Variants in TRIM28 observed in about 807,000 individuals in gnomAD.
TRIM28 encodes the protein tripartite motif containing 28.
A neutral mutation model predicts 87.4 loss-of-function variants in TRIM28; 8 were observed. That is an observed-to-expected ratio of 0.09 (90% CI 0.05 to 0.17). The LOEUF (loss-of-function observed/expected upper bound fraction) is 0.17, where lower values mean the gene tolerates loss of function less well. Among genes scored for constraint, TRIM28 ranks in the 10% least tolerant of loss-of-function variants. TRIM28 has a pLI of 1.00. For synonymous variants in TRIM28, 601 were observed against 454.3 expected, an observed-to-expected ratio of 1.32 and a Z score of -4.11; for missense variants, 968 against 1,131.8, an observed-to-expected ratio of 0.86 and a Z score of 2.08.
At chr19:58,548,246 A>T (rs200901448) in intron 7 of TRIM28, 48 bp from the exon 8 acceptor site, 2 of 1,613,444 alleles carry the variant, frequency 1.2e-6, no homozygotes, top group Non-Finnish European at 1.7e-6. Flanking sequence ...TCAAATCCCT[A>T]TTTGTTGTTG....
rs1600079310 is a variant in TRIM28 at position 58,545,038 on chromosome 19, C to T, written c.281C>T (p.Pro94Leu). The change falls in exon 1 of 17, where the codon CCC (proline) becomes CTC (leucine). Residue 94 changes from proline (P) to leucine (L), a missense_variant. Pro to Leu is a moderately conservative substitution (Grantham distance 98, BLOSUM62 -3). Around this residue, in one of 11 missense-constraint regions of TRIM28, gnomAD observed 208 missense variants for 170.9 expected, o/e 1.22. Transcript: ENST00000253024. The part of the protein sequence containing the change: ...LHSACSACLG[P>L]AAPAAANSSG... ...TCGGCCTGTAGTGCCTGCTTAGGGC[C>T]CGCGGCCCCCGCCGCCGCCAACAGC... 1 of 1,465,666 alleles carries T rather than the reference C, an allele frequency of 6.8e-7. No homozygotes were observed. The highest frequency in any genetic ancestry group is 8.9e-7 in the Non-Finnish European group (1 of 1,122,542). The allele number at this position is 1,465,666 out of a possible 1,614,324, so 90.8% of individuals were successfully genotyped here. A position where few individuals can be genotyped will look rare whatever the true frequency, so the allele number is the denominator to read the frequency against.
intron 1 of TRIM28, 117 bp downstream of exon 1, chr19:58,545,214 G>A (rs1246891550): frequency 4.8e-6 from 5 of 1,046,444 alleles, no homozygotes; most frequent in African/African-American, 1.6e-5. Context: ...CAGGGCACGG[G>A]AAATACTTTC....
chr19:58,550,073 C>T, intron 15 of TRIM28, 38 bp downstream of exon 15: 2 of 1,613,746 alleles, frequency 1.2e-6, no homozygotes, highest in Non-Finnish European at 1.7e-6. Flanking sequence ...GGGGTGGTGG[C>T]TGCTGGGTCT....
At chr19:58,547,058 G>A in intron 3 of TRIM28, 2 of 312,228 alleles carry the variant, frequency 6.4e-6, no homozygotes, top group South Asian at 3.9e-5. Context: ...GAACAGTGTG[G>A]GGAAGGGTCA....
chr19:58,546,532 G>A (rs755504300), intron 3 of TRIM28, among the ~76,000 whole-genome samples: 25 of 152,172 alleles, frequency 1.6e-4, no homozygotes, highest in Non-Finnish European at 3.4e-4. Flanking sequence ...CAGCATTGGT[G>A]GAAGATAGCG....
chr19:58,544,751 C>T lies in TRIM28; in HGVS notation c.-7C>T. ...CTCCCCCCCTGGGCGCCCCCGGCGGCGTGTGAATGGCGGCCTCCGCGGCGG... is the reference window on the plus strand; with the variant it reads ...CTCCCCCCCTGGGCGCCCCCGGCGGTGTGTGAATGGCGGCCTCCGCGGCGG... On this transcript the variant is annotated 5_prime_UTR_variant, in exon 1 of 17. Transcript: ENST00000253024. 2 of 1,098,716 alleles carry T rather than the reference C, an allele frequency of 1.8e-6. No homozygotes were observed. Among genetic ancestry groups the T allele is most frequent in the Non-Finnish European group, 2.2e-6 (2 of 904,816 alleles). The allele number at this position is 1,098,716 out of a possible 1,614,324, so 68.1% of individuals were successfully genotyped here.
Position 58,550,406 on chromosome 19 carries a change from C to T in TRIM28, c.2361C>T (p.Gly787=), listed in dbSNP as rs891656128. 3 of 1,614,078 alleles carry T rather than the reference C, an allele frequency of 1.9e-6. No homozygotes were observed. Among genetic ancestry groups the T allele is most frequent in the East Asian group, 2.2e-5 (1 of 44,890 alleles). ...EDKADVQSII[G]LQRFFETRMN... ...AGGCAGACGTGCAGTCCATCATCGG[C>T]CTGCAGCGCTTCTTCGAGACGCGCA... Residue 787 remains glycine (G), a synonymous_variant, in exon 17 of 17, where the codon GGC becomes GGT. Coordinates refer to ENST00000253024, the MANE Select transcript of TRIM28 (RefSeq NM_005762.3).
Position 58,545,021 on chromosome 19 carries a change from T to C in TRIM28, c.264T>C (p.Cys88=). Residue 88 remains cysteine (C), a synonymous_variant, in exon 1 of 17, where the codon TGT becomes TGC. Transcript: ENST00000253024. ...PRLLPCLHSA[C]SACLGPAAPA... is the part of the protein sequence containing the mutation. ...TGCTGCCCTGTTTGCACTCGGCCTGTAGTGCCTGCTTAGGGCCCGCGGCCC... is the reference window on the plus strand; with the variant it reads ...TGCTGCCCTGTTTGCACTCGGCCTGCAGTGCCTGCTTAGGGCCCGCGGCCC... The C allele has an allele frequency of 6.7e-7, 1 of 1,495,258 alleles. No individual in the cohort carries two copies. The highest frequency in any genetic ancestry group is 8.8e-7 in the Non-Finnish European group (1 of 1,134,220). 92.6% of individuals were successfully genotyped at this position (1,495,258 alleles called of 1,614,324 possible).
At position 58,549,848 on chromosome 19, in the gene TRIM28, A is replaced by C; in HGVS notation, c.2094A>C (p.Pro698=). The C allele has an allele frequency of 6.2e-7, 1 of 1,612,438 alleles. No individual in the cohort carries two copies. Among genetic ancestry groups the C allele is most frequent in the Non-Finnish European group, 8.5e-7 (1 of 1,178,586 alleles). ...DSTGVVAKLS[P]ANQRKCERVL... Reference sequence around the variant, plus strand: ...CTGGCGTGGTGGCCAAGCTCTCACCAGCCAACCAGCGGGTGAGGGCTGGGG... The same window carrying C: ...CTGGCGTGGTGGCCAAGCTCTCACCCGCCAACCAGCGGGTGAGGGCTGGGG... The change falls in exon 14 of 17, where the codon CCA becomes CCC. Residue 698 remains proline, a synonymous_variant. Coordinates refer to ENST00000253024, the MANE Select transcript of TRIM28 (RefSeq NM_005762.3). The surrounding 1 kb of genome is among the most constrained non-coding windows in gnomAD (Gnocchi z 4.4).
chr19:58,550,113 T>C (rs1568663284), intron 15 of TRIM28, 34 bp from the exon 16 acceptor site: 1 of 1,613,668 alleles, frequency 6.2e-7, no homozygotes, highest in Non-Finnish European at 8.5e-7. Flanking sequence ...TATATGTGTG[T>C]CTTTGTGTGT....
In TRIM28 at chr19:58,549,691, C is replaced by T. The variant is rs1273155578; in HGVS notation, c.1982+41C>T. On this transcript the variant is annotated intron_variant, in intron 13 of 16. Transcript: ENST00000253024. The surrounding 1 kb of genome is among the most constrained non-coding windows in gnomAD (Gnocchi z 4.4). ...GTGGGGGTCAAGTCTGGGTGTTGGG[C>T]TGTCTGGACAGGATCATGTGCAGAC... 1.9e-6 allele frequency: 3 copies of T among 1,601,134 alleles called. No homozygotes were observed. The highest frequency in any genetic ancestry group is 2.2e-5 in the South Asian group (2 of 89,832).
In TRIM28 at chr19:58,549,240, G is replaced by A. The variant is rs775422458; in HGVS notation, c.1662G>A (p.Lys554=). The A allele has an allele frequency of 1.1e-5, 17 of 1,612,716 alleles. No individual in the cohort carries two copies. The highest frequency in any genetic ancestry group is 2.5e-6 in the Non-Finnish European group (3 of 1,179,158). The change falls in exon 12 of 17, where the codon AAG becomes AAA. Residue 554 remains lysine (K), a splice_region_variant and synonymous_variant. Coordinates refer to ENST00000253024, the MANE Select transcript of TRIM28 (RefSeq NM_005762.3). This position sits in a 1 kb window ranked among gnomAD's most constrained non-coding sequence, Gnocchi z 4.4. Reference sequence around the variant, plus strand: ...CCCTGGCTGGCATGGCCATTGTCAAGGTAAGCCTGTCCCAAGGAACTATAG... The same window carrying A: ...CCCTGGCTGGCATGGCCATTGTCAAAGTAAGCCTGTCCCAAGGAACTATAG... The part of the protein sequence containing the change: ...APPLAGMAIV[K]EEETEAAIGA...
Position 58,547,473 on chromosome 19 carries a change from C to T in TRIM28, c.684C>T (p.Thr228=), listed in dbSNP as rs749334871. 2.7e-5 allele frequency: 44 copies of T among 1,613,924 alleles called. No individual in the cohort carries two copies. The highest frequency in any genetic ancestry group is 9.3e-5 in the African/African-American group (7 of 74,916). The change falls in exon 4 of 17, where the codon ACC becomes ACT. Residue 228 remains threonine, a synonymous_variant. Coordinates refer to ENST00000253024, the MANE Select transcript of TRIM28 (RefSeq NM_005762.3). ...TTTGTGAGAGCTGTGATACTCTCAC[C>T]TGCCGAGACTGCCAGCTCAATGCCC... ...VLFCESCDTL[T]CRDCQLNAHK...
chr19:58,548,971 G>C lies in TRIM28; in HGVS notation c.1410-17G>C. ...GGAGGGTGGGGGTGTACTCATGCCA[G>C]GTTGCTGCATCTACAGGTCCCGCTC... On this transcript the variant is annotated splice_polypyrimidine_tract_variant and intron_variant, in intron 11 of 16. Transcript: ENST00000253024. 6.2e-7 allele frequency: 1 copy of C among 1,614,076 alleles called. No individual in the cohort carries two copies. The highest frequency in any genetic ancestry group is 8.5e-7 in the Non-Finnish European group (1 of 1,180,000).
rs181829880 is a variant in TRIM28, at chr19:58,545,689, G to A, written c.454-75G>A. 4.3e-5 allele frequency: 67 copies of A among 1,568,020 alleles called. No homozygotes were observed. In the East Asian group the frequency reaches 1.4e-3, roughly 32 times the overall value. On this transcript the variant is annotated intron_variant, in intron 2 of 16. Coordinates refer to ENST00000253024, the MANE Select transcript of TRIM28 (RefSeq NM_005762.3). ...GTCAAGGGACCAATCTTAAATCTCC[G>A]GTTGTATTTTCTGGGATGTAAACGT...
chr19:58,550,589 G>T lies in TRIM28; in HGVS notation c.*36G>T, dbSNP rs1357309886. The T allele has an allele frequency of 5.0e-6, 8 of 1,584,402 alleles. No individual in the cohort carries two copies. Among genetic ancestry groups the T allele is most frequent in the African/African-American group, 1.3e-5 (1 of 74,348 alleles). On this transcript the variant is annotated 3_prime_UTR_variant, in exon 17 of 17. Transcript: ENST00000253024. ...CCCATGGCCAGCCCAGCCTGGCTCT[G>T]TTCTCTGTCCTGTCACCCCATCCCC...
At chr19:58,545,131 C>T (rs1218480105) in intron 1 of TRIM28, 34 bp downstream of exon 1, 9 of 1,387,574 alleles carry the variant, frequency 6.5e-6, no homozygotes, top group Non-Finnish European at 8.4e-6. Context: ...ACCCCTCCCC[C>T]TACTCTCTGC....
Position 58,545,491 on chromosome 19 carries a change from G to T in TRIM28, c.407G>T (p.Arg136Leu). The T allele has an allele frequency of 6.2e-7, 1 of 1,610,958 alleles. No individual in the cohort carries two copies. Among genetic ancestry groups the T allele is most frequent in the Non-Finnish European group, 8.5e-7 (1 of 1,178,730 alleles). Residue 136 changes from arginine (R) to leucine (L), a missense_variant, in exon 2 of 17, where the codon CGT (arginine) becomes CTT (leucine). Around this residue, in one of 11 missense-constraint regions of TRIM28, gnomAD observed 51 missense variants for 69.3 expected, o/e 0.74. Transcript: ENST00000253024. ...GACATCGTGGAGAATTATTTCATGC[G>T]TGATAGTGGCAGCAAGGCTGCCACC... ...SKDIVENYFM[R>L]DSGSKAATDA...
chr19:58,546,748 G>A (rs554356640), intron 3 of TRIM28, among the ~76,000 whole-genome samples: 69 of 152,260 alleles, frequency 4.5e-4, no homozygotes, highest in African/African-American at 1.6e-3. Flanking sequence ...TTTCTAATGG[G>A]GAGACAGGCT....
Sources: gnomAD v4.1 joint callset for allele counts (sites outside exome capture counted in the v4.1 genomes callset) on GRCh38, gnomAD v4.1.1 for gene constraint, gnomAD v4.1.1 regional missense constraint, Gnocchi (gnomAD v3.1) non-coding constraint, MANE v1.5 for transcripts, NCBI Gene and HGNC (gene_info 2026-07-23, HGNC 2026-07-21) for gene names.